The following CSPP1 variants were observed in gnomAD, a reference collection of about 807,000 sequenced individuals.
CSPP1 encodes the protein centrosome and spindle pole associated protein 1.
In CSPP1, 126 loss-of-function variants were observed where a neutral mutation model predicts 164.4. The ratio of observed to expected loss-of-function variants is 0.77; its 90% CI spans 0.66 to 0.89. CSPP1 has a LOEUF of 0.89. CSPP1 is among the 40% of genes least tolerant of loss of function. The probability of loss-of-function intolerance (pLI) is 0.00; values close to 1 mark genes in which losing one functional copy is unlikely to be tolerated. For synonymous variants in CSPP1, 472 were observed against 476.7 expected (o/e 0.99, Z 0.13); for missense variants, 1,395 against 1,449.8 (o/e 0.96, Z 0.61).
chr8:67,105,795 TA>T (rs1815381242), intron 8 of CSPP1, 109 bp from the exon 9 acceptor site: 5 of 669,136 alleles, frequency 7.5e-6, no homozygotes, highest in Admixed American at 7.0e-5. Context: ...TTAATGTCCA[TA>T]GTACTTTGAA....
chr8:67,187,317 G>A lies in CSPP1; in HGVS notation c.3221-3333G>A. On this transcript the variant is annotated intron_variant, in intron 28 of 30. Coordinates refer to ENST00000678616, the MANE Select transcript of CSPP1 (RefSeq NM_001382391.1). ...TCTCACAGCTGACTTCAAGAGTTAT[G>A]ATAAAGTTATAATAAACAAGACAGT... is the stretch of plus-strand genomic sequence containing the variant. Among the ~76,000 whole-genome samples, 2 of 152,182 alleles carry A rather than the reference G, an allele frequency of 1.3e-5. 1 individual carries two copies. The highest frequency in any genetic ancestry group is 2.9e-5 in the Non-Finnish European group (2 of 68,024).
intron 6 of CSPP1, among the ~76,000 whole-genome samples, chr8:67,093,873 T>C (rs1812131183): frequency 6.6e-6 from 1 of 152,002 alleles, no homozygotes; most frequent in South Asian, 2.1e-4. Flanking sequence ...TAGAGATCAG[T>C]TTTGTTAAGT....
At chr8:67,161,669 T>C (rs1828380165) in intron 21 of CSPP1, 142 bp from the exon 22 acceptor site, 1 of 509,942 alleles carries the variant, frequency 2.0e-6, no homozygotes, top group Admixed American at 3.5e-5. Flanking sequence ...CTGACTTTTG[T>C]AGAAAGCATT....
chr8:67,171,529 C>A (rs1038792890), intron 24 of CSPP1, among the ~76,000 whole-genome samples: 1 of 152,040 alleles, frequency 6.6e-6, no homozygotes, highest in Non-Finnish European at 1.5e-5. Flanking sequence ...ACTACAGGCA[C>A]ACACTATCAT....
At position 67,141,573 on chromosome 8, in the gene CSPP1, G is replaced by A. The variant is rs184069883; in HGVS notation, c.1975+3970G>A. On this transcript the variant is annotated intron_variant, in intron 17 of 30. Coordinates refer to ENST00000678616, the MANE Select transcript of CSPP1 (RefSeq NM_001382391.1). ...GTTTCGCTCTTTTGCCCAGGCCGGA[G>A]TGCAATGATGCAATCTCAGTTCACT... Among the ~76,000 whole-genome samples the A allele has an allele frequency of 2.6e-4, 39 of 152,310 alleles. 1 individual carries two copies. Among genetic ancestry groups the A allele is most frequent in the African/African-American group, 9.4e-4 (39 of 41,560 alleles).
intron 15 of CSPP1, among the ~76,000 whole-genome samples, chr8:67,123,999 A>G (rs1054343737): frequency 6.7e-6 from 1 of 150,008 alleles, no homozygotes; most frequent in African/African-American, 2.5e-5. Flanking sequence ...TTCTGGGTTC[A>G]TGTCATTCTC....
intron 13 of CSPP1, among the ~76,000 whole-genome samples, chr8:67,116,483 A>G (rs760084296): frequency 3.9e-5 from 6 of 152,080 alleles, no homozygotes; most frequent in Non-Finnish European, 5.9e-5. Context: ...GAATTCTTCA[A>G]TTTGTGCAGA....
rs777234205 is a variant in CSPP1 at position 67,095,536 on chromosome 8, A to C, written c.727A>C (p.Asn243His). The C allele has an allele frequency of 2.5e-6, 4 of 1,613,884 alleles. No homozygotes were observed. Among genetic ancestry groups the C allele is most frequent in the Non-Finnish European group, 3.4e-6 (4 of 1,179,980 alleles). ...AGCAAATGAAGAAGTGGGCATTTCCAACCTAAAACATCAAAGGTTTGCAAG... is the reference window on the plus strand; with the variant it reads ...AGCAAATGAAGAAGTGGGCATTTCCCACCTAAAACATCAAAGGTTTGCAAG... ...KKANEEVGISNLKHQRFASKA... is the reference protein window; with the variant it reads ...KKANEEVGISHLKHQRFASKA... The change falls in exon 7 of 31, where the codon AAC becomes CAC. Residue 243 changes from asparagine to histidine, a missense_variant. Coordinates refer to ENST00000678616, the MANE Select transcript of CSPP1 (RefSeq NM_001382391.1).
At chr8:67,104,256 A>ATCTT (rs1814859383) in intron 8 of CSPP1, among the ~76,000 whole-genome samples, 1 of 150,912 alleles carries the variant, frequency 6.6e-6, no homozygotes, top group African/African-American at 2.5e-5. Flanking sequence ...GTCTTCCAAG[A>ATCTT]AAGGTTTTTT....
intron 3 of CSPP1, chr8:67,083,544 AAAAAAT>A (rs1224660671): frequency 1.5e-4 from 19 of 130,260 alleles, no homozygotes; most frequent in African/African-American, 5.7e-4. Flanking sequence ...AAAAAAAAAA[AAAAAAT>A]ATATATATAT....
chr8:67,095,843 C>A, intron 7 of CSPP1, 111 bp downstream of exon 7: 1 of 660,108 alleles, frequency 1.5e-6, no homozygotes, highest in Non-Finnish European at 2.5e-6. Context: ...TTTGATTTAT[C>A]ATAATTAATT....
intron 24 of CSPP1, among the ~76,000 whole-genome samples, chr8:67,170,290 C>CAA (rs113067786): frequency 3.9e-5 from 4 of 102,522 alleles, no homozygotes; most frequent in Non-Finnish European, 6.8e-5. Context: ...ACTAAAAATA[C>CAA]AAAAAAAAAA....
intron 24 of CSPP1, among the ~76,000 whole-genome samples, chr8:67,167,323 C>T (rs1034995234): frequency 2.5e-4 from 38 of 149,324 alleles, no homozygotes; most frequent in African/African-American, 7.7e-4. Flanking sequence ...CCCCACCTCC[C>T]GGATGGGGCG....
intron 28 of CSPP1, among the ~76,000 whole-genome samples, chr8:67,188,723 T>C (rs771394055): frequency 1.5e-4 from 23 of 152,178 alleles, no homozygotes; most frequent in Non-Finnish European, 2.6e-4. Context: ...TCTGGCAGGA[T>C]GTCCTCTACA....
intron 14 of CSPP1, 85 bp from the exon 15 acceptor site, chr8:67,118,658 G>T (rs1359475299): frequency 1.1e-6 from 1 of 938,928 alleles, no homozygotes. Context: ...TTTTGATTAT[G>T]CACCTTTTTC....
rs141040561 is a variant in CSPP1, at chr8:67,189,714, A to T, written c.3221-936A>T. ...AAATATTGAGAGACAAAATGCCATG[A>T]TGTCACCAACTTATTGGTGTAGCAA... On this transcript the variant is annotated intron_variant, in intron 28 of 30. Coordinates refer to ENST00000678616, the MANE Select transcript of CSPP1 (RefSeq NM_001382391.1). 4.4e-3 allele frequency among the ~76,000 whole-genome samples: 674 copies of T among 152,344 alleles called. 9 individuals are homozygous for T. The highest frequency in any genetic ancestry group is 0.015 in the African/African-American group (641 of 41,584).
intron 16 of CSPP1, among the ~76,000 whole-genome samples, chr8:67,136,641 G>A (rs1010619705): frequency 6.6e-6 from 1 of 151,380 alleles, no homozygotes; most frequent in Admixed American, 6.6e-5. Flanking sequence ...ATAAAATGAG[G>A]TATGCCTGTA....
chr8:67,145,028 C>T (rs1824235669), intron 17 of CSPP1, among the ~76,000 whole-genome samples: 1 of 146,762 alleles, frequency 6.8e-6, no homozygotes, highest in Non-Finnish European at 1.5e-5. Context: ...GCCAAGATTG[C>T]GTCACTGCCA....
At position 67,183,843 on chromosome 8, in the gene CSPP1, ATTTTTTTTTTTT is replaced by A. The variant is rs918103972; in HGVS notation, c.3220+3934_3220+3945del. Among the ~76,000 whole-genome samples, 157 of 108,212 alleles carry A rather than the reference ATTTTTTTTTTTT, an allele frequency of 1.5e-3. 2 individuals are homozygous for A. Among genetic ancestry groups the A allele is most frequent in the South Asian group, 3.1e-3 (10 of 3,268 alleles). 71.0% of individuals were successfully genotyped at this position (108,212 alleles called of 152,430 possible). A position where few individuals can be genotyped will look rare whatever the true frequency, so the allele number is the denominator to read the frequency against. On this transcript the variant is annotated intron_variant, in intron 28 of 30. Coordinates refer to ENST00000678616, the MANE Select transcript of CSPP1 (RefSeq NM_001382391.1). ...AGCCAGACTATGTAAAAAATTGGGAATTTTTTTTTTTTTTTTTTTTTTTTTTTTAGACAAAGT... is the reference window on the plus strand; with the variant it reads ...AGCCAGACTATGTAAAAAATTGGGAATTTTTTTTTTTTTTTTAGACAAAGT...
Sources: allele counts gnomAD v4.1 joint callset (sites outside exome capture counted in the v4.1 genomes callset), GRCh38; gene constraint gnomAD v4.1.1; transcripts MANE v1.5; gene names NCBI Gene and HGNC (gene_info 2026-07-23, HGNC 2026-07-21).